The following DSN1 variants were observed in gnomAD, a reference collection of about 807,000 sequenced individuals.
The protein encoded by DSN1 is DSN1 component of MIS12 kinetochore complex.
Under a neutral mutation model 45.7 loss-of-function variants are expected in DSN1, and 31 were observed. The observed-to-expected ratio is 0.68, with a 90% CI of 0.51 to 0.92. The LOEUF is 0.92. Among genes scored for constraint, DSN1 ranks in the 40% least tolerant of loss-of-function variants. DSN1 has a pLI of 0.00. For missense variants in DSN1, 394 were observed against 414.2 expected (o/e 0.95, Z 0.42); for synonymous variants, 134 against 142.3 (o/e 0.94, Z 0.41).
chr20:36,761,681 T>G (rs1212421906), intron 6 of DSN1, among the ~76,000 whole-genome samples: 1 of 151,550 alleles, frequency 6.6e-6, no homozygotes, highest in Non-Finnish European at 1.5e-5. Context: ...GCCAACATGG[T>G]GAAACTTCAT....
intron 4 of DSN1, among the ~76,000 whole-genome samples, chr20:36,767,583 T>C (rs1180731055): frequency 6.6e-6 from 1 of 151,588 alleles, no homozygotes; most frequent in Non-Finnish European, 1.5e-5. Flanking sequence ...CTGGGCAACA[T>C]GGTGAAACCC....
At chr20:36,766,625 A>T in intron 5 of DSN1, 144 bp downstream of exon 5, 1 of 721,638 alleles carries the variant, frequency 1.4e-6, no homozygotes, top group Non-Finnish European at 2.4e-6. Context: ...ACTGCACTCC[A>T]GTCTGGGCAA....
intron 9 of DSN1, 150 bp from the exon 10 acceptor site, chr20:36,755,000 A>T (rs1381282217): frequency 1.5e-6 from 1 of 659,888 alleles, no homozygotes; most frequent in East Asian, 2.8e-5. Context: ...TTGTTCCTCC[A>T]AAGTCACACC....
intron 3 of DSN1, among the ~76,000 whole-genome samples, chr20:36,769,242 G>C (rs1255416902): frequency 6.6e-6 from 1 of 152,188 alleles, no homozygotes; most frequent in Non-Finnish European, 1.5e-5. Flanking sequence ...TGAATTATGA[G>C]AGCTACATGT....
At chr20:36,773,594 C>T (rs1987765067) in intron 1 of DSN1, 68 bp downstream of exon 1, 17 of 985,706 alleles carry the variant, frequency 1.7e-5, no homozygotes, top group Non-Finnish European at 1.7e-5. Context: ...AGTGCGGCGG[C>T]GGGCGGGGCC....
At chr20:36,769,944 G>C (rs528289815) in intron 3 of DSN1, among the ~76,000 whole-genome samples, 2,423 of 128,020 alleles carry the variant, frequency 0.019, 99 homozygotes, top group African/African-American at 0.074. Context: ...CACACACAGA[G>C]AGAGAGAGAC....
chr20:36,762,362 G>A lies in DSN1; in HGVS notation c.590+99C>T, dbSNP rs149719432. ...CCTGACCTCGTAATCCGCCCACCTCGGCCTCCCAAAGTGCTGGGATTACAG... is the reference window on the plus strand; with the variant it reads ...CCTGACCTCGTAATCCGCCCACCTCAGCCTCCCAAAGTGCTGGGATTACAG... On this transcript the variant is annotated intron_variant, in intron 6 of 10. Coordinates refer to ENST00000373750, the MANE Select transcript of DSN1 (RefSeq NM_001145315.2). The A allele has an allele frequency of 1.9e-3, 1,817 of 977,614 alleles. 46 individuals are homozygous for A. The East Asian group carries it at 0.048, about 26-fold the overall frequency. The allele number at this position is 977,614 out of a possible 1,614,324, so 60.6% of individuals were successfully genotyped here. A position where few individuals can be genotyped will look rare whatever the true frequency, so the allele number is the denominator to read the frequency against.
chr20:36,758,185 TCA>T (rs755632840), intron 7 of DSN1, 24 bp from the exon 8 acceptor site: 2 of 1,601,666 alleles, frequency 1.2e-6, no homozygotes, highest in East Asian at 4.5e-5. Flanking sequence ...GAAAAAAAGT[TCA>T]GTTAATTTTT....
In DSN1 at chr20:36,766,793, T is replaced by C; in HGVS notation, c.478A>G (p.Ser160Gly). The C allele has an allele frequency of 6.2e-7, 1 of 1,611,242 alleles. No individual in the cohort carries two copies. The highest frequency in any genetic ancestry group is 8.5e-7 in the Non-Finnish European group (1 of 1,179,404). The change falls in exon 5 of 11, where the codon AGT (serine) becomes GGT (glycine). Residue 160 changes from serine (S) to glycine (G), a missense_variant. Coordinates refer to ENST00000373750, the MANE Select transcript of DSN1 (RefSeq NM_001145315.2). ...EPFLRDTKGF[S>G]LESFRAKASS... ...CCTTTGGCTCTAAAACTTTCAAGAC[T>C]GAAGCCCTTAGTGTCCCTTAGGAAA...
chr20:36,756,556 C>A (rs1347023004), intron 8 of DSN1, among the ~76,000 whole-genome samples: 1 of 152,192 alleles, frequency 6.6e-6, no homozygotes, highest in Non-Finnish European at 1.5e-5. Context: ...TTAATAACAA[C>A]AACTACTACA....
At chr20:36,771,402 C>T in intron 2 of DSN1, 23 bp downstream of exon 2, 2 of 1,610,952 alleles carry the variant, frequency 1.2e-6, no homozygotes, top group Middle Eastern at 1.7e-4. Flanking sequence ...GTAAGAGGTA[C>T]TGAATTTCAC....
intron 5 of DSN1, among the ~76,000 whole-genome samples, chr20:36,762,960 T>C (rs1987080950): frequency 6.6e-6 from 1 of 152,170 alleles, no homozygotes; most frequent in Non-Finnish European, 1.5e-5. Context: ...TACCATGTTG[T>C]CTAGGCTGGT....
Position 36,767,162 on chromosome 20 carries a change from C to T in DSN1, c.430-321G>A, listed in dbSNP as rs536468381. 3.3e-5 allele frequency among the ~76,000 whole-genome samples: 5 copies of T among 151,836 alleles called. No individual in the cohort carries two copies. The South Asian group carries it at 1.0e-3, about 32-fold the overall frequency. On this transcript the variant is annotated intron_variant, in intron 4 of 10. Coordinates refer to ENST00000373750, the MANE Select transcript of DSN1 (RefSeq NM_001145315.2). The stretch of plus-strand genomic sequence containing the variant: ...CTACTAAAAATACAAAAAAAATTAG[C>T]GGGGCATGGTGGCGCGTGCCTGTAG...
chr20:36,755,873 T>A, intron 8 of DSN1, 44 bp from the exon 9 acceptor site: 1 of 1,587,522 alleles, frequency 6.3e-7, no homozygotes, highest in Non-Finnish European at 8.6e-7. Flanking sequence ...CTGTAATTAT[T>A]TTCTGGAAGA....
chr20:36,771,432 G>C lies in DSN1; in HGVS notation c.27C>G (p.Ile9Met), dbSNP rs1196105272. The C allele has an allele frequency of 1.2e-6, 2 of 1,613,656 alleles. No homozygotes were observed. The highest frequency in any genetic ancestry group is 1.1e-5 in the South Asian group (1 of 91,052). ...TTTCACTACAATACTTACCATCTATGATCTCTGATCTAGTCACTGAAGTCA... is the reference window on the plus strand; with the variant it reads ...TTTCACTACAATACTTACCATCTATCATCTCTGATCTAGTCACTGAAGTCA... MTSVTRSE[I>M]IDEKGPVMSK... Residue 9 changes from isoleucine (I) to methionine (M), a missense_variant, in exon 2 of 11, where the codon ATC becomes ATG. Ile to Met is a conservative substitution (Grantham distance 10). Coordinates refer to ENST00000373750, the MANE Select transcript of DSN1 (RefSeq NM_001145315.2).
rs113036934 is a variant in DSN1, at chr20:36,757,999, T to C, written c.725+88A>G. ...TTATTGGCCCGTGAGAAAGGATTCA[T>C]CTTTCAATTTGTGCTAACAGAACTG... On this transcript the variant is annotated intron_variant, in intron 8 of 10. Transcript: ENST00000373750. 75 of 1,233,936 alleles carry C rather than the reference T, an allele frequency of 6.1e-5. 1 individual carries two copies. The African/African-American group carries it at 8.4e-4, about 14-fold the overall frequency. The allele number at this position is 1,233,936 out of a possible 1,614,324, so 76.4% of individuals were successfully genotyped here. A position where few individuals can be genotyped will look rare whatever the true frequency, so the allele number is the denominator to read the frequency against.
chr20:36,769,442 G>C (rs1181965266), intron 3 of DSN1, among the ~76,000 whole-genome samples: 1 of 152,170 alleles, frequency 6.6e-6, no homozygotes, highest in African/African-American at 2.4e-5. Context: ...AAATACTCCG[G>C]CATAGAGCTA....
intron 1 of DSN1, 181 bp downstream of exon 1, chr20:36,773,481 C>T (rs1040238827): frequency 6.1e-6 from 6 of 985,466 alleles, no homozygotes; most frequent in Non-Finnish European, 7.2e-6. Context: ...TTCATTTCAC[C>T]CGGGAGGAGG....
At chr20:36,756,524 T>C (rs1392087336) in intron 8 of DSN1, among the ~76,000 whole-genome samples, 5 of 152,226 alleles carry the variant, frequency 3.3e-5, no homozygotes, top group African/African-American at 4.8e-5. Context: ...TGAGAGTTCA[T>C]GAAAACTGAT....
Sources: gnomAD v4.1 joint callset for allele counts (sites outside exome capture counted in the v4.1 genomes callset) on GRCh38, gnomAD v4.1.1 for gene constraint, MANE v1.5 for transcripts, NCBI Gene and HGNC (gene_info 2026-07-23, HGNC 2026-07-21) for gene names.